Variants in SNTG2 observed in about 807,000 individuals in gnomAD.
The protein encoded by SNTG2 is gamma-2-syntrophin.
SNTG2 carries 74 observed loss-of-function variants against 70.9 expected under a neutral mutation model. The ratio of observed to expected loss-of-function variants is 1.04; its 90% CI spans 0.86 to 1.27. The LOEUF is 1.27. SNTG2 is among the 50% of genes most tolerant of loss of function. The probability of loss-of-function intolerance (pLI) is 0.00; values close to 1 mark genes in which losing one functional copy is unlikely to be tolerated. For synonymous variants in SNTG2, 278 were observed against 273.8 expected (o/e 1.02, Z -0.15); for missense variants, 717 against 690.7 (o/e 1.04, Z -0.43).
chr2:1,322,285 A>G (rs1439459397), intron 16 of SNTG2, among the ~76,000 whole-genome samples: 1 of 152,232 alleles, frequency 6.6e-6, no homozygotes, highest in Non-Finnish European at 1.5e-5. Flanking sequence ...AGTCAGAATG[A>G]AGACTGCTCT....
In SNTG2 at chr2:1,012,474, C is replaced by T. The variant is rs114576908; in HGVS notation, c.72+61406C>T. Among the ~76,000 whole-genome samples, 1,166 of 152,122 alleles carry T rather than the reference C, an allele frequency of 7.7e-3. 25 individuals are homozygous for T. Among genetic ancestry groups the T allele is most frequent in the African/African-American group, 0.027 (1,100 of 41,480 alleles). ...AATCGATAGTCACACAGAAAAGGGG[C>T]GGCAGCGACTTGGGGGGTCTGGAGA... is the stretch of plus-strand genomic sequence containing the variant. On this transcript the variant is annotated intron_variant, in intron 1 of 16. Transcript: ENST00000308624.
At chr2:1,165,496 G>T in intron 6 of SNTG2, 52 bp from the exon 7 acceptor site, 1 of 1,478,548 alleles carries the variant, frequency 6.8e-7, no homozygotes, top group Non-Finnish European at 9.4e-7. Flanking sequence ...TTTTAATTCT[G>T]TGTCTGGTTC....
intron 7 of SNTG2, 35 bp from the exon 8 acceptor site, chr2:1,173,057 A>G: frequency 3.1e-6 from 5 of 1,591,980 alleles, no homozygotes; most frequent in Non-Finnish European, 3.4e-6. Context: ...TGTCAGTGGC[A>G]CCAATTGGAA....
At chr2:1,076,919 A>AT (rs1269990820) in intron 1 of SNTG2, among the ~76,000 whole-genome samples, 2 of 152,190 alleles carry the variant, frequency 1.3e-5, no homozygotes, top group African/African-American at 4.8e-5. Context: ...AGTCTTCTCC[A>AT]TGCTATGTTT....
chr2:964,032 A>T (rs182949641), intron 1 of SNTG2, among the ~76,000 whole-genome samples: 1 of 152,136 alleles, frequency 6.6e-6, no homozygotes, highest in Non-Finnish European at 1.5e-5. Flanking sequence ...CCACGCAGTC[A>T]CAGTGTGTGC....
chr2:1,061,737 G>A (rs1273286451), intron 1 of SNTG2, among the ~76,000 whole-genome samples: 1 of 152,156 alleles, frequency 6.6e-6, no homozygotes, highest in Non-Finnish European at 1.5e-5. Context: ...CAGCATCCAT[G>A]CGCTGTTGCT....
intron 8 of SNTG2, among the ~76,000 whole-genome samples, chr2:1,188,482 T>G (rs1243859017): frequency 1.3e-5 from 2 of 152,116 alleles, no homozygotes; most frequent in African/African-American, 4.8e-5. Flanking sequence ...CTTTTGCTAT[T>G]TAAAAGAGAC....
chr2:1,086,322 GTCTC>G (rs796704725), intron 2 of SNTG2, among the ~76,000 whole-genome samples: 1 of 152,084 alleles, frequency 6.6e-6, no homozygotes, highest in South Asian at 2.1e-4. Flanking sequence ...CGCTCTCTCT[GTCTC>G]TCTCTCTCCT....
chr2:1,039,385 G>A (rs1292156451), intron 1 of SNTG2, among the ~76,000 whole-genome samples: 2 of 152,162 alleles, frequency 1.3e-5, no homozygotes, highest in African/African-American at 2.4e-5. Flanking sequence ...CTTTCTGTGT[G>A]TCAAATTCAG....
chr2:1,073,732 T>G (rs1296540930), intron 1 of SNTG2, among the ~76,000 whole-genome samples: 1 of 152,252 alleles, frequency 6.6e-6, no homozygotes, highest in Non-Finnish European at 1.5e-5. Flanking sequence ...TTAAAACCTT[T>G]TTTCCCTTAA....
At chr2:1,228,043 C>G (rs1280952129) in intron 9 of SNTG2, among the ~76,000 whole-genome samples, 1 of 152,174 alleles carries the variant, frequency 6.6e-6, no homozygotes, top group African/African-American at 2.4e-5. Flanking sequence ...CGACTCAAGG[C>G]TGGGGTCTGA....
In SNTG2 at chr2:1,354,249, G is replaced by T. The variant is rs1660729469; in HGVS notation, c.1489-13094G>T. Among the ~76,000 whole-genome samples, 2 of 150,312 alleles carry T rather than the reference G, an allele frequency of 1.3e-5. 1 individual carries two copies. The highest frequency in any genetic ancestry group is 4.9e-5 in the African/African-American group (2 of 40,750). The stretch of plus-strand genomic sequence containing the variant: ...TGGAAGAACGCCGGGCTGGAGCTCA[G>T]GGACTGGGTGTTCCGTGGCAGAGCG... On this transcript the variant is annotated intron_variant, in intron 16 of 16. Coordinates refer to ENST00000308624, the MANE Select transcript of SNTG2 (RefSeq NM_018968.4).
Position 1,222,119 on chromosome 2 carries a change from C to CTGTCTCTCTCTG in SNTG2, c.719+12890_719+12891insGTCTCTCTCTGT, listed in dbSNP as rs1228556001. Among the ~76,000 whole-genome samples the CTGTCTCTCTCTG allele has an allele frequency of 1.3e-3, 145 of 107,672 alleles. 28 individuals are homozygous for CTGTCTCTCTCTG. The highest frequency in any genetic ancestry group is 2.3e-3 in the Non-Finnish European group (126 of 55,600). 70.6% of individuals were successfully genotyped at this position (107,672 alleles called of 152,430 possible). ...TGTCTCTCTCTGTCTCTCTCTGTCT[C>CTGTCTCTCTCTG]TCTCTGTCTCTCTCTGTCTCTCTCT... On this transcript the variant is annotated intron_variant, in intron 9 of 16. Transcript: ENST00000308624.
At chr2:1,053,284 T>G (rs1662176430) in intron 1 of SNTG2, among the ~76,000 whole-genome samples, 1 of 151,552 alleles carries the variant, frequency 6.6e-6, no homozygotes. Context: ...TTTCATTATA[T>G]GCTATGATTC....
At chr2:1,231,244 T>C (rs1676221802) in intron 9 of SNTG2, among the ~76,000 whole-genome samples, 1 of 151,974 alleles carries the variant, frequency 6.6e-6, no homozygotes, top group Non-Finnish European at 1.5e-5. Flanking sequence ...ACAGTGCCTC[T>C]TCCATAGGGT....
rs1249625665 is a variant in SNTG2 at position 991,589 on chromosome 2, TG to T, written c.72+40522del. ...GAATGGGGATGTGAGGCATGTTTTT[TG>T]CTCCAGGTAGCACCCAGGGCATCGG... On this transcript the variant is annotated intron_variant, in intron 1 of 16. Transcript: ENST00000308624. Among the ~76,000 whole-genome samples the T allele has an allele frequency of 1.7e-4, 26 of 152,332 alleles. 1 individual carries two copies. The highest frequency in any genetic ancestry group is 1.5e-4 in the Non-Finnish European group (10 of 68,024).
chr2:1,216,677 C>T (rs1674413708), intron 9 of SNTG2, among the ~76,000 whole-genome samples: 1 of 152,202 alleles, frequency 6.6e-6, no homozygotes, highest in Non-Finnish European at 1.5e-5. Context: ...AACCCACCAG[C>T]ATGCTGGAGG....
chr2:1,152,526 A>G (rs1466139125), intron 6 of SNTG2, among the ~76,000 whole-genome samples: 3 of 151,858 alleles, frequency 2.0e-5, no homozygotes, highest in South Asian at 2.1e-4. Flanking sequence ...ATGTGTGTGC[A>G]TGTGTATTCA....
At chr2:1,360,494 T>C (rs571991792) in intron 16 of SNTG2, among the ~76,000 whole-genome samples, 1 of 152,306 alleles carries the variant, frequency 6.6e-6, no homozygotes, top group Non-Finnish European at 1.5e-5. Flanking sequence ...GATCAAGATA[T>C]TTTTATTTCC....
Sources: gnomAD v4.1 joint callset for allele counts (sites outside exome capture counted in the v4.1 genomes callset) on GRCh38, gnomAD v4.1.1 for gene constraint, MANE v1.5 for transcripts, NCBI Gene and HGNC (gene_info 2026-07-23, HGNC 2026-07-21) for gene names.